The following UGP2 variants were observed in gnomAD, a reference collection of about 807,000 sequenced individuals.
UGP2 encodes the protein UDP-glucose pyrophosphorylase 2.
A neutral mutation model predicts 49.0 loss-of-function variants in UGP2; 40 were observed. The ratio of observed to expected loss-of-function variants is 0.82; its 90% CI spans 0.63 to 1.06. UGP2 has a LOEUF of 1.06. UGP2 is among the 50% of genes least tolerant of loss of function. The pLI is 0.00. For missense variants in UGP2, 460 were observed against 603.5 expected, an observed-to-expected ratio of 0.76 and a Z score of 2.49; for synonymous variants, 225 against 213.0, an observed-to-expected ratio of 1.06 and a Z score of -0.49.
At chr2:63,889,618 G>T (rs1173482436) in intron 8 of UGP2, 2 of 152,854 alleles carry the variant, frequency 1.3e-5, no homozygotes, top group African/African-American at 4.8e-5. Flanking sequence ...TAAATCTAAG[G>T]AAATAAAAAG....
intron 3 of UGP2, among the ~76,000 whole-genome samples, chr2:63,874,432 T>C (rs928010404): frequency 3.9e-5 from 6 of 152,134 alleles, no homozygotes; most frequent in Non-Finnish European, 7.4e-5. Context: ...CCGAGTATGT[T>C]ATATTGCCAT....
intron 1 of UGP2, among the ~76,000 whole-genome samples, chr2:63,847,565 A>T (rs996255988): frequency 5.3e-5 from 8 of 152,180 alleles, no homozygotes; most frequent in Non-Finnish European, 1.0e-4. Context: ...AAAGAGAGTC[A>T]GTGAAGGGAG....
intron 2 of UGP2, 146 bp from the exon 3 acceptor site, chr2:63,857,683 T>C (rs551725756): frequency 1.2e-5 from 10 of 820,062 alleles, no homozygotes; most frequent in Middle Eastern, 4.9e-4. Flanking sequence ...GCTTTTAGGA[T>C]GTGAAAAAGT....
intron 1 of UGP2, among the ~76,000 whole-genome samples, chr2:63,843,113 GA>G (rs201008608): frequency 1.3e-5 from 2 of 151,278 alleles, no homozygotes; most frequent in African/African-American, 4.9e-5. Flanking sequence ...TGTACTTTTG[GA>G]AAAAAAAAGT....
chr2:63,856,519 C>A, intron 2 of UGP2, 86 bp downstream of exon 2: 1 of 1,428,114 alleles, frequency 7.0e-7, no homozygotes, highest in East Asian at 2.4e-5. Context: ...TGATGATAAT[C>A]ATCACCTCAA....
intron 1 of UGP2, chr2:63,855,520 G>GTTTTTTTTTTTTTT (rs372160888): frequency 1.2e-3 from 235 of 194,278 alleles, no homozygotes; most frequent in Middle Eastern, 2.3e-3. Context: ...TTCTTTTTCT[G>GTTTTTTTTTTTTTT]TTTTTTTTTT....
rs986559076 is a variant in UGP2 at position 63,846,817 on chromosome 2, A to G, written c.19+4613A>G. On this transcript the variant is annotated intron_variant, in intron 1 of 9. Coordinates refer to ENST00000337130, the MANE Select transcript of UGP2 (RefSeq NM_006759.4). ...ACACTTTTAGCACAGGGATAGTGGC[A>G]TGGATTTGAGTGAGGACAAGAGCCA... Among the ~76,000 whole-genome samples, 6 of 152,348 alleles carry G rather than the reference A, an allele frequency of 3.9e-5. 1 individual carries two copies. The highest frequency in any genetic ancestry group is 4.1e-4 in the South Asian group (2 of 4,822).
At chr2:63,872,072 AAAC>A (rs755275627) in intron 3 of UGP2, among the ~76,000 whole-genome samples, 4 of 152,338 alleles carry the variant, frequency 2.6e-5, no homozygotes, top group Non-Finnish European at 4.4e-5. Flanking sequence ...AACTTTATGA[AAAC>A]AAGTGGCAGC....
At chr2:63,855,895 G>A (rs571032146) in intron 1 of UGP2, 9 of 230,106 alleles carry the variant, frequency 3.9e-5, no homozygotes, top group East Asian at 3.0e-4. Context: ...AGGGATTTCC[G>A]TCACCTTTAG....
At chr2:63,889,508 A>G (rs914252087) in intron 8 of UGP2, 4 of 152,662 alleles carry the variant, frequency 2.6e-5, no homozygotes. Context: ...GGGGCAAAGT[A>G]GTGGTGGTGG....
At chr2:63,881,980 A>C (rs746032558) in intron 3 of UGP2, among the ~76,000 whole-genome samples, 16 of 152,252 alleles carry the variant, frequency 1.1e-4, no homozygotes, top group Non-Finnish European at 2.2e-4. Flanking sequence ...GAGAATGGCA[A>C]AGAACAAGTG....
intron 3 of UGP2, among the ~76,000 whole-genome samples, chr2:63,868,050 T>G (rs968672184): frequency 2.0e-5 from 3 of 152,248 alleles, no homozygotes; most frequent in African/African-American, 7.2e-5. Flanking sequence ...CTAGGTTATA[T>G]GTAGAATTAC....
chr2:63,849,822 C>T (rs547093984), intron 1 of UGP2, among the ~76,000 whole-genome samples: 1 of 152,284 alleles, frequency 6.6e-6, no homozygotes, highest in East Asian at 1.9e-4. Flanking sequence ...CTCTGGGCCC[C>T]TGTTTCTTTA....
At chr2:63,870,480 T>C (rs113395852) in intron 3 of UGP2, among the ~76,000 whole-genome samples, 8 of 152,348 alleles carry the variant, frequency 5.3e-5, no homozygotes, top group African/African-American at 1.9e-4. Context: ...AGTTTTCTAT[T>C]TAGGTTTTCT....
intron 7 of UGP2, 49 bp downstream of exon 7, chr2:63,886,587 G>A: frequency 2.5e-6 from 4 of 1,602,970 alleles, no homozygotes; most frequent in Non-Finnish European, 3.4e-6. Flanking sequence ...TAAGGTCATA[G>A]TAGGCTACAC....
intron 5 of UGP2, among the ~76,000 whole-genome samples, chr2:63,884,961 T>C (rs1209795124): frequency 6.6e-6 from 1 of 150,696 alleles, no homozygotes; most frequent in Non-Finnish European, 1.5e-5. Flanking sequence ...TTAGTTTGTT[T>C]GGTTGTTTTT....
At chr2:63,862,254 G>A (rs193210147) in intron 3 of UGP2, among the ~76,000 whole-genome samples, 28 of 152,132 alleles carry the variant, frequency 1.8e-4, no homozygotes, top group Admixed American at 5.2e-4. Flanking sequence ...TAAAGAAATG[G>A]CTCTGAGGAC....
At chr2:63,858,905 A>C (rs1042270139) in intron 3 of UGP2, among the ~76,000 whole-genome samples, 7 of 97,510 alleles carry the variant, frequency 7.2e-5, no homozygotes, top group Non-Finnish European at 1.1e-4. Context: ...CGAAACACTT[A>C]TAACTTTTGC....
At chr2:63,870,148 T>C (rs1395486530) in intron 3 of UGP2, among the ~76,000 whole-genome samples, 1 of 152,090 alleles carries the variant, frequency 6.6e-6, no homozygotes, top group Non-Finnish European at 1.5e-5. Context: ...GATCTCGATA[T>C]CCTGACCTTG....
Sources: gnomAD v4.1 joint callset for allele counts (sites outside exome capture counted in the v4.1 genomes callset) on GRCh38, gnomAD v4.1.1 for gene constraint, MANE v1.5 for transcripts, NCBI Gene and HGNC (gene_info 2026-07-23, HGNC 2026-07-21) for gene names.